Variants in DOCK3 observed in about 807,000 individuals in gnomAD.
DOCK3 encodes dedicator of cytokinesis protein 3.
A neutral mutation model predicts 265.6 loss-of-function variants in DOCK3; 60 were observed. The observed-to-expected ratio is 0.23, with a 90% CI of 0.18 to 0.28. DOCK3 has a LOEUF of 0.28. DOCK3 is among the 10% of genes least tolerant of loss of function. The pLI, the probability that DOCK3 is intolerant of heterozygous loss-of-function variation, is 1.00. For synonymous variants in DOCK3, 881 were observed against 938.0 expected, an observed-to-expected ratio of 0.94 and a Z score of 1.11; for missense variants, 1,981 against 2,594.3, an observed-to-expected ratio of 0.76 and a Z score of 5.14.
At chr3:51,304,932 T>C (rs1329641791) in intron 27 of DOCK3, among the ~76,000 whole-genome samples, 1 of 152,246 alleles carries the variant, frequency 6.6e-6, no homozygotes, top group Non-Finnish European at 1.5e-5. Context: ...ATTTTACTTC[T>C]TTTAAATTTA....
rs994619617 is a variant in DOCK3, at chr3:50,782,383, C to T, written c.121+3625C>T. Reference sequence around the variant, plus strand: ...TCGGCTCACTGCAAGCTCCGCCTCCCGGGTTCACGCCATTCTCCTGCCTCA... The same window carrying T: ...TCGGCTCACTGCAAGCTCCGCCTCCTGGGTTCACGCCATTCTCCTGCCTCA... On this transcript the variant is annotated intron_variant, in intron 2 of 52. Coordinates refer to ENST00000266037, the MANE Select transcript of DOCK3 (RefSeq NM_004947.5). Among the ~76,000 whole-genome samples, 14 of 147,464 alleles carry T rather than the reference C, an allele frequency of 9.5e-5. No homozygotes were observed. In the South Asian group the frequency reaches 1.9e-3, roughly 20 times the overall value.
intron 40 of DOCK3, among the ~76,000 whole-genome samples, chr3:51,354,384 T>C (rs2086218598): frequency 6.6e-6 from 1 of 152,186 alleles, no homozygotes; most frequent in African/African-American, 2.4e-5. Context: ...TTTGAAGACA[T>C]GTCAAGAGGG....
rs551668898 is a variant in DOCK3, at chr3:50,767,920, C to T, written c.38-10755C>T. ...TTCACTCATGATTTGGCTCTCTGTC[C>T]GTTATTGGTGTATAGGAATGCTTGT... On this transcript the variant is annotated intron_variant, in intron 1 of 52. Transcript: ENST00000266037. Among the ~76,000 whole-genome samples, 8 of 97,490 alleles carry T rather than the reference C, an allele frequency of 8.2e-5. No individual in the cohort carries two copies. The East Asian group carries it at 1.2e-3, about 15-fold the overall frequency. 64.0% of individuals were successfully genotyped at this position (97,490 alleles called of 152,430 possible).
intron 27 of DOCK3, among the ~76,000 whole-genome samples, chr3:51,309,626 AGAGCGAGAGCG>A (rs1469822132): frequency 3.3e-3 from 6 of 1,810 alleles, no homozygotes; most frequent in African/African-American, 0.011. Context: ...AGGGAGAGCG[AGAGCGAGAGCG>A]AGAGCGAGAG....
At chr3:50,871,344 T>A (rs903599044) in intron 3 of DOCK3, among the ~76,000 whole-genome samples, 7 of 151,978 alleles carry the variant, frequency 4.6e-5, no homozygotes, top group African/African-American at 1.4e-4. Flanking sequence ...ATGCCACTCT[T>A]CTTGCCTGTA....
intron 1 of DOCK3, among the ~76,000 whole-genome samples, chr3:50,725,495 G>T (rs1452305854): frequency 6.6e-6 from 1 of 152,186 alleles, no homozygotes; most frequent in Non-Finnish European, 1.5e-5. Context: ...TTCCTCTACT[G>T]ATACAGTGAT....
chr3:51,195,748 A>T (rs1461293981), intron 12 of DOCK3, among the ~76,000 whole-genome samples: 1 of 151,838 alleles, frequency 6.6e-6, no homozygotes, highest in African/African-American at 2.4e-5. Context: ...GGTAAATGTC[A>T]TCCTTTCACT....
chr3:50,986,887 A>G lies in DOCK3; in HGVS notation c.315+52810A>G, dbSNP rs539019654. ...CCCACAAATTAAAGCTCTATGCATC[A>G]TTTATGAAAGCAGCGTGCTGCTATG... On this transcript the variant is annotated intron_variant, in intron 5 of 52. Transcript: ENST00000266037. 7.2e-5 allele frequency among the ~76,000 whole-genome samples: 11 copies of G among 152,342 alleles called. No homozygotes were observed. The South Asian group carries it at 2.3e-3, about 32-fold the overall frequency.
At chr3:50,738,643 T>G (rs1208991014) in intron 1 of DOCK3, among the ~76,000 whole-genome samples, 1 of 152,238 alleles carries the variant, frequency 6.6e-6, no homozygotes, top group Non-Finnish European at 1.5e-5. Context: ...GGCATTATCC[T>G]TTTTCCTGTT....
intron 4 of DOCK3, among the ~76,000 whole-genome samples, chr3:50,901,893 T>G (rs2049222006): frequency 6.6e-6 from 1 of 152,152 alleles, no homozygotes; most frequent in Non-Finnish European, 1.5e-5. Context: ...CGCTGGGAGC[T>G]GCAGACCGGA....
intron 49 of DOCK3, among the ~76,000 whole-genome samples, chr3:51,366,918 C>T (rs191996562): frequency 2.3e-4 from 35 of 152,176 alleles, no homozygotes; most frequent in South Asian, 1.2e-3. Flanking sequence ...ATTATGTGGT[C>T]AATTTTGGAA....
At chr3:51,180,414 A>G (rs1450575780) in intron 12 of DOCK3, among the ~76,000 whole-genome samples, 1 of 152,196 alleles carries the variant, frequency 6.6e-6, no homozygotes. Context: ...TCTGAAATCA[A>G]GATGTCAGCA....
chr3:51,238,662 A>G (rs988222970), intron 21 of DOCK3, among the ~76,000 whole-genome samples: 2 of 151,988 alleles, frequency 1.3e-5, no homozygotes, highest in Non-Finnish European at 2.9e-5. Flanking sequence ...CTATGTGTCC[A>G]TGCATTCTCG....
rs782311186 is a variant in DOCK3 at position 51,381,373 on chromosome 3, C to A, written c.5907C>A (p.Asp1969Glu). 1.9e-6 allele frequency: 3 copies of A among 1,612,882 alleles called. No individual in the cohort carries two copies. ...PGCVIPQDPM[D>E]PPALPPKPYH... ...GCGTCATCCCTCAGGACCCCATGGA[C>A]CCGCCTGCGCTGCCGCCCAAGCCCT... is the stretch of plus-strand genomic sequence containing the variant. Residue 1969 changes from aspartate (D) to glutamate (E), a missense_variant, in exon 53 of 53, where the codon GAC becomes GAA. By Grantham distance (45) the Asp-to-Glu change is conservative. Around this residue, in one of 4 missense-constraint regions of DOCK3, gnomAD observed 149 missense variants for 144.7 expected, o/e 1.03. Coordinates refer to ENST00000266037, the MANE Select transcript of DOCK3 (RefSeq NM_004947.5). The surrounding 1 kb of genome is among the most constrained non-coding windows in gnomAD (Gnocchi z 5.6).
intron 13 of DOCK3, among the ~76,000 whole-genome samples, chr3:51,211,253 G>A (rs967681063): frequency 1.3e-5 from 2 of 152,154 alleles, no homozygotes; most frequent in Non-Finnish European, 1.5e-5. Context: ...TTATGGGTCA[G>A]TCTTTAATCC....
chr3:51,069,341 C>G (rs553307187), intron 6 of DOCK3, among the ~76,000 whole-genome samples: 1 of 152,100 alleles, frequency 6.6e-6, no homozygotes, highest in Non-Finnish European at 1.5e-5. Context: ...TTTAATTTAA[C>G]TTAATATTTT....
intron 4 of DOCK3, among the ~76,000 whole-genome samples, chr3:50,910,142 C>T (rs776998951): frequency 2.2e-4 from 33 of 151,976 alleles, no homozygotes; most frequent in Non-Finnish European, 4.4e-4. Context: ...TGATTGTTAG[C>T]TTCTTTGCAT....
chr3:50,736,571 T>C (rs1207082890), intron 1 of DOCK3, among the ~76,000 whole-genome samples: 1 of 152,182 alleles, frequency 6.6e-6, no homozygotes, highest in Non-Finnish European at 1.5e-5. Context: ...TGTTGTTTCC[T>C]GACTTTTTAA....
At chr3:51,064,298 A>G in intron 5 of DOCK3, 150 bp from the exon 6 acceptor site, 1 of 952,982 alleles carries the variant, frequency 1.0e-6, no homozygotes, top group Non-Finnish European at 1.5e-6. Flanking sequence ...GGAGGTAATG[A>G]CTTTCAGACT....
Sources: gnomAD v4.1 joint callset for allele counts (sites outside exome capture counted in the v4.1 genomes callset) on GRCh38, gnomAD v4.1.1 for gene constraint, gnomAD v4.1.1 regional missense constraint, Gnocchi (gnomAD v3.1) non-coding constraint, MANE v1.5 for transcripts, NCBI Gene and HGNC (gene_info 2026-07-23, HGNC 2026-07-21) for gene names.